Variants in ROBO2 observed in about 807,000 individuals in gnomAD.
The protein encoded by ROBO2 is roundabout guidance receptor 2.
ROBO2 carries 53 observed loss-of-function variants against 160.8 expected under a neutral mutation model. The observed-to-expected ratio is 0.33, with a 90% CI of 0.26 to 0.41. The LOEUF (loss-of-function observed/expected upper bound fraction) is 0.41. Among genes scored for constraint, ROBO2 ranks in the 10% least tolerant of loss-of-function variants. The pLI is 1.00. For synonymous variants in ROBO2, 664 were observed against 611.7 expected (o/e 1.09, Z -1.26); for missense variants, 1,577 against 1,722.4 (o/e 0.92, Z 1.49).
intron 2 of ROBO2, among the ~76,000 whole-genome samples, chr3:76,453,304 T>G (rs2077571907): frequency 6.6e-6 from 1 of 152,202 alleles, no homozygotes; most frequent in South Asian, 2.1e-4. Flanking sequence ...TTTTTATAGT[T>G]TTTAGCTCTA....
At chr3:77,057,721 C>T (rs529110557) in intron 1 of ROBO2, among the ~76,000 whole-genome samples, 1 of 152,010 alleles carries the variant, frequency 6.6e-6, no homozygotes, top group South Asian at 2.1e-4. Context: ...CAGGCACGTG[C>T]CACCACACTC....
chr3:76,003,660 C>G (rs1466339443), intron 2 of ROBO2, among the ~76,000 whole-genome samples: 1 of 152,134 alleles, frequency 6.6e-6, no homozygotes, highest in Non-Finnish European at 1.5e-5. Flanking sequence ...ATAGTATTCC[C>G]AGATGGGGCA....
At chr3:76,359,712 A>T (rs540298091) in intron 2 of ROBO2, among the ~76,000 whole-genome samples, 94 of 152,088 alleles carry the variant, frequency 6.2e-4, no homozygotes, top group African/African-American at 2.0e-3. Flanking sequence ...TTCATATATT[A>T]TATGTCATTT....
chr3:75,930,630 T>A (rs918239125), intron 1 of ROBO2, among the ~76,000 whole-genome samples: 7 of 152,176 alleles, frequency 4.6e-5, no homozygotes, highest in African/African-American at 1.7e-4. Context: ...TGGGAGTTGA[T>A]GGTTTATATG....
At chr3:77,548,510 C>T (rs1265568096) in intron 7 of ROBO2, among the ~76,000 whole-genome samples, 3 of 151,966 alleles carry the variant, frequency 2.0e-5, no homozygotes, top group Non-Finnish European at 4.4e-5. Flanking sequence ...CCTAAAGTAG[C>T]TCCAAGTTGA....
At chr3:75,946,759 A>G (rs1948312587) in intron 2 of ROBO2, among the ~76,000 whole-genome samples, 2 of 152,124 alleles carry the variant, frequency 1.3e-5, no homozygotes, top group Admixed American at 1.3e-4. Context: ...TGGAATGTCC[A>G]TGAAGGAAGA....
chr3:77,404,716 T>C (rs1453182553), intron 2 of ROBO2, among the ~76,000 whole-genome samples: 1 of 152,156 alleles, frequency 6.6e-6, no homozygotes, highest in Non-Finnish European at 1.5e-5. Context: ...TTTGGCAAAA[T>C]GGAAGTAAAA....
intron 19 of ROBO2, among the ~76,000 whole-genome samples, chr3:77,597,384 T>C (rs2094331582): frequency 6.6e-6 from 1 of 151,904 alleles, no homozygotes; most frequent in Non-Finnish European, 1.5e-5. Context: ...GGTGCCAGAG[T>C]CCTCTCCCTG....
chr3:76,071,086 T>C (rs2068439042), intron 2 of ROBO2, among the ~76,000 whole-genome samples: 1 of 152,224 alleles, frequency 6.6e-6, no homozygotes, highest in Non-Finnish European at 1.5e-5. Flanking sequence ...TTCTCCTTCA[T>C]AATTGCAATT....
At chr3:76,707,760 T>TATATATATATAA (rs1491556017) in intron 2 of ROBO2, among the ~76,000 whole-genome samples, 1 of 134,380 alleles carries the variant, frequency 7.4e-6, no homozygotes, top group Non-Finnish European at 1.6e-5. Flanking sequence ...TATATATATA[T>TATATATATATAA]AAATCTTAAA....
chr3:77,649,568 A>C (rs571680123), exon 26 of ROBO2: 1 of 152,180 alleles, frequency 6.6e-6, no homozygotes, highest in Non-Finnish European at 1.5e-5. Flanking sequence ...CTAAAGCAAC[A>C]TGTCTTTCCA....
At chr3:77,420,360 T>C (rs2153531478) in intron 2 of ROBO2, among the ~76,000 whole-genome samples, 1 of 152,144 alleles carries the variant, frequency 6.6e-6, no homozygotes, top group Admixed American at 6.6e-5. Flanking sequence ...GTATATATGG[T>C]CGTGTATCAT....
chr3:77,155,287 C>T (rs958817085), intron 2 of ROBO2, among the ~76,000 whole-genome samples: 21 of 151,966 alleles, frequency 1.4e-4, no homozygotes, highest in Admixed American at 5.9e-4. Flanking sequence ...CATCATCTGA[C>T]TTTAACATAG....
At chr3:77,057,701 GCT>G (rs1208508159) in intron 1 of ROBO2, among the ~76,000 whole-genome samples, 1 of 150,506 alleles carries the variant, frequency 6.6e-6, no homozygotes. Flanking sequence ...CTCCCGAGTA[GCT>G]GGGATTACAG....
intron 6 of ROBO2, among the ~76,000 whole-genome samples, chr3:77,540,157 G>A (rs1359657319): frequency 6.6e-6 from 1 of 152,166 alleles, no homozygotes; most frequent in Non-Finnish European, 1.5e-5. Context: ...TGAAGGAAGT[G>A]TGCTTAAGAA....
At chr3:77,537,911 C>T (rs1004897474) in intron 6 of ROBO2, among the ~76,000 whole-genome samples, 6 of 152,014 alleles carry the variant, frequency 3.9e-5, no homozygotes, top group African/African-American at 1.2e-4. Context: ...TACCTCCCAC[C>T]GGGTCCCTCC....
chr3:77,067,814 T>C (rs1299785601), intron 1 of ROBO2, among the ~76,000 whole-genome samples: 1 of 152,190 alleles, frequency 6.6e-6, no homozygotes, highest in African/African-American at 2.4e-5. Context: ...ATGCGCCCTA[T>C]ATGTACTGTT....
At chr3:76,152,816 A>G (rs1362490657) in intron 2 of ROBO2, among the ~76,000 whole-genome samples, 1 of 152,200 alleles carries the variant, frequency 6.6e-6, no homozygotes, top group Admixed American at 6.5e-5. Context: ...TTCACTCAAT[A>G]CAATTATTCA....
intron 5 of ROBO2, among the ~76,000 whole-genome samples, chr3:77,521,587 T>C (rs2090602834): frequency 6.6e-6 from 1 of 151,210 alleles, no homozygotes; most frequent in African/African-American, 2.4e-5. Flanking sequence ...AAGGCAAAAC[T>C]TGCAGACAGA....
Sources: allele counts gnomAD v4.1 joint callset (sites outside exome capture counted in the v4.1 genomes callset), GRCh38; gene constraint gnomAD v4.1.1; transcripts MANE v1.5; gene names NCBI Gene and HGNC (gene_info 2026-07-23, HGNC 2026-07-21).